TENM2: variants seen among roughly 807,000 people sequenced by gnomAD.
The protein encoded by TENM2 is teneurin-2.
Under a neutral mutation model 245.2 loss-of-function variants are expected in TENM2, and 52 were observed. That is an observed-to-expected ratio of 0.21 (90% CI 0.17 to 0.27). TENM2 has a LOEUF of 0.27. Ranked by LOEUF, TENM2 falls within the 10% of genes least tolerant of loss-of-function variation. TENM2 has a pLI of 1.00. For synonymous variants in TENM2, 1,363 were observed against 1,438.9 expected, an observed-to-expected ratio of 0.95 and a Z score of 1.19; for missense variants, 3,046 against 3,666.8, an observed-to-expected ratio of 0.83 and a Z score of 4.37.
At chr5:167,952,028 G>T (rs1233367686) in intron 3 of TENM2, among the ~76,000 whole-genome samples, 1 of 152,162 alleles carries the variant, frequency 6.6e-6, no homozygotes, top group Non-Finnish European at 1.5e-5. Flanking sequence ...ATTCCCACGT[G>T]ATCAAATTGA....
At chr5:167,270,346 G>C in the TENM2 span, among the ~76,000 whole-genome samples, 2 of 152,270 alleles carry the variant, frequency 1.3e-5, no homozygotes, top group Admixed American at 1.3e-4. Context: ...ATTGACATTA[G>C]TGGTGGGAGT....
the TENM2 span, among the ~76,000 whole-genome samples, chr5:167,007,266 C>T: frequency 6.6e-6 from 1 of 152,112 alleles, no homozygotes; most frequent in African/African-American, 2.4e-5. This position sits in a 1 kb window ranked among gnomAD's most constrained non-coding sequence, Gnocchi z 4.2. Flanking sequence ...CAAATATAAA[C>T]ATAAGTCCCA....
chr5:167,350,413 A>ATGTGTGTGTGTG (rs35747170), intron 1 of TENM2, among the ~76,000 whole-genome samples: 74 of 141,926 alleles, frequency 5.2e-4, no homozygotes, highest in African/African-American at 1.9e-3. Context: ...ATACATATAT[A>ATGTGTGTGTGTG]TGTGTGTGTG....
the TENM2 span, among the ~76,000 whole-genome samples, chr5:167,237,821 G>A: frequency 6.6e-6 from 1 of 151,966 alleles, no homozygotes. Flanking sequence ...GACCAGCCTG[G>A]CCAAGATGGT....
chr5:167,365,041 A>G (rs78558350), intron 1 of TENM2, among the ~76,000 whole-genome samples: 1 of 152,148 alleles, frequency 6.6e-6, no homozygotes, highest in African/African-American at 2.4e-5. Flanking sequence ...AATATATTCT[A>G]TATGTTGTGC....
At chr5:168,222,121 G>T (rs1763723263) in intron 23 of TENM2, among the ~76,000 whole-genome samples, 1 of 152,202 alleles carries the variant, frequency 6.6e-6, no homozygotes, top group South Asian at 2.1e-4. Context: ...TCAACTAACT[G>T]TAGAGTGGAT....
chr5:168,048,377 A>G (rs1450516121), intron 6 of TENM2, among the ~76,000 whole-genome samples: 1 of 152,194 alleles, frequency 6.6e-6, no homozygotes. Context: ...GCAAATTTCC[A>G]TTCTGCCTTT....
chr5:167,865,325 C>T (rs1772213172), intron 2 of TENM2, among the ~76,000 whole-genome samples: 1 of 151,972 alleles, frequency 6.6e-6, no homozygotes, highest in Non-Finnish European at 1.5e-5. Context: ...GCAGTCCAGG[C>T]CAGAGTGGCA....
intron 2 of TENM2, among the ~76,000 whole-genome samples, chr5:167,523,268 T>C (rs890807433): frequency 4.6e-5 from 7 of 152,132 alleles, no homozygotes; most frequent in Admixed American, 1.3e-4. Flanking sequence ...AGACATCTGT[T>C]TCTGGAGGCC....
chr5:168,111,066 G>A (rs536663389), intron 9 of TENM2, among the ~76,000 whole-genome samples: 62 of 152,212 alleles, frequency 4.1e-4, no homozygotes, highest in African/African-American at 1.3e-3. Context: ...TTTTTAACCC[G>A]ATTTCCACTT....
rs999686915 is a variant in TENM2, at chr5:167,557,287, G to A, written c.502+181814G>A. ...TTTTCATCAATATTCTTACCATCAC[G>A]ATTGTCACCATGATGCCTATTTTGT... On this transcript the variant is annotated intron_variant, in intron 2 of 28. Coordinates refer to ENST00000518659, the Ensembl canonical transcript of TENM2. 6.6e-5 allele frequency among the ~76,000 whole-genome samples: 10 copies of A among 152,206 alleles called. No homozygotes were observed. In the East Asian group the frequency reaches 1.4e-3, roughly 21 times the overall value.
At chr5:167,878,092 A>T (rs1773579870) in intron 3 of TENM2, among the ~76,000 whole-genome samples, 1 of 152,238 alleles carries the variant, frequency 6.6e-6, no homozygotes, top group East Asian at 1.9e-4. Context: ...GTCAGTTCAT[A>T]TCTTGAGGCC....
In TENM2 at chr5:168,218,853, C is replaced by G. The variant is rs765778420; in HGVS notation, c.4962C>G (p.Asn1654Lys). 9.9e-6 allele frequency: 16 copies of G among 1,613,878 alleles called. No homozygotes were observed. The highest frequency in any genetic ancestry group is 1.3e-5 in the African/African-American group (1 of 74,916). The change falls in exon 23 of 29, where the codon AAC (asparagine) becomes AAG (lysine). Residue 1654 changes from asparagine (N) to lysine (K), a missense_variant. Physicochemically the swap from Asn to Lys is moderately conservative, Grantham distance 94. Coordinates refer to ENST00000518659, the Ensembl canonical transcript of TENM2. The surrounding 1 kb of genome is among the most constrained non-coding windows in gnomAD (Gnocchi z 5.2). ...CCCGTCACCTGCTCATGCCTGACAA[C>G]CAGATCATCACCCTCACCGTGGGCA...
chr5:167,632,834 C>T (rs1778964485), intron 2 of TENM2, among the ~76,000 whole-genome samples: 1 of 152,088 alleles, frequency 6.6e-6, no homozygotes, highest in South Asian at 2.1e-4. Flanking sequence ...GATCACACTG[C>T]CAAAAATAAA....
At chr5:167,601,143 C>G (rs1582506956) in intron 2 of TENM2, among the ~76,000 whole-genome samples, 1 of 152,152 alleles carries the variant, frequency 6.6e-6, no homozygotes, top group East Asian at 1.9e-4. Flanking sequence ...ATGTAAAACC[C>G]CACTAGATAA....
chr5:167,950,274 C>T (rs1374208002), intron 3 of TENM2, among the ~76,000 whole-genome samples: 1 of 152,168 alleles, frequency 6.6e-6, no homozygotes, highest in Non-Finnish European at 1.5e-5. Context: ...CACAAGCAAC[C>T]GCAGGAATTC....
intron 2 of TENM2, among the ~76,000 whole-genome samples, chr5:167,495,561 G>A (rs1172798724): frequency 6.6e-6 from 1 of 151,992 alleles, no homozygotes; most frequent in Non-Finnish European, 1.5e-5. Flanking sequence ...ATGGGCATTG[G>A]GAAATAATGC....
At chr5:167,677,364 A>G (rs572675988) in intron 2 of TENM2, among the ~76,000 whole-genome samples, 6 of 152,028 alleles carry the variant, frequency 3.9e-5, no homozygotes, top group South Asian at 2.1e-4. Context: ...AACATTTCTT[A>G]TGACAGTACT....
At chr5:168,036,716 T>TATGTATGTGTATATATATAC (rs55913207) in intron 5 of TENM2, among the ~76,000 whole-genome samples, 3 of 142,392 alleles carry the variant, frequency 2.1e-5, no homozygotes, top group African/African-American at 5.3e-5. Flanking sequence ...TGTATATATA[T>TATGTATGTGTATATATATAC]GTATGTGTAT....
Sources: allele counts gnomAD v4.1 joint callset (sites outside exome capture counted in the v4.1 genomes callset), GRCh38; gene constraint gnomAD v4.1.1; non-coding constraint Gnocchi (gnomAD v3.1); transcripts MANE v1.5; gene names NCBI Gene and HGNC (gene_info 2026-07-23, HGNC 2026-07-21).